The following ENTPD1 variants were observed in gnomAD, a reference collection of about 807,000 sequenced individuals.
ENTPD1 encodes ATP diphosphohydrolase.
Under a neutral mutation model 57.0 loss-of-function variants are expected in ENTPD1, and 33 were observed. The ratio of observed to expected loss-of-function variants is 0.58; its 90% CI spans 0.44 to 0.77. ENTPD1 has a LOEUF of 0.77. ENTPD1 is among the 30% of genes least tolerant of loss of function. The probability of loss-of-function intolerance (pLI) is 0.00; values close to 1 mark genes in which losing one functional copy is unlikely to be tolerated. For synonymous variants in ENTPD1, 202 were observed against 218.8 expected (o/e 0.92, Z 0.68); for missense variants, 501 against 603.4 (o/e 0.83, Z 1.78).
At chr10:95,823,140 G>T in intron 1 of ENTPD1, 97 bp from the exon 2 acceptor site, 1 of 1,451,324 alleles carries the variant, frequency 6.9e-7, no homozygotes. Context: ...TGTCTCTGAT[G>T]TCTCCAGGTA....
the ENTPD1 span, among the ~76,000 whole-genome samples, chr10:95,694,755 C>T: frequency 6.6e-6 from 1 of 152,014 alleles, no homozygotes; most frequent in African/African-American, 2.4e-5. Flanking sequence ...GTGCCTCTTC[C>T]GATTCCCCAC....
intron 9 of ENTPD1, 77 bp downstream of exon 9, chr10:95,864,938 A>T: frequency 6.5e-7 from 1 of 1,528,106 alleles, no homozygotes; most frequent in Non-Finnish European, 8.9e-7. Context: ...GGCTTGAAAA[A>T]GGGGGGAGTC....
At chr10:95,861,022 C>G (rs546289156) in intron 8 of ENTPD1, among the ~76,000 whole-genome samples, 10 of 152,350 alleles carry the variant, frequency 6.6e-5, no homozygotes, top group African/African-American at 2.2e-4. Flanking sequence ...CCAGACTCAG[C>G]AGTCTTCCCC....
At chr10:95,757,288 A>G (rs1235453921) in intron 1 of ENTPD1, among the ~76,000 whole-genome samples, 1 of 152,252 alleles carries the variant, frequency 6.6e-6, no homozygotes, top group Non-Finnish European at 1.5e-5. Context: ...TGTCACATGA[A>G]CCTTACAAGT....
rs568029935 is a variant in ENTPD1, at chr10:95,756,385, T to C, written c.16+130T>C. The C allele has an allele frequency of 4.9e-5, 51 of 1,048,728 alleles. 1 individual carries two copies. The South Asian group carries it at 7.6e-4, about 16-fold the overall frequency. The allele number at this position is 1,048,728 out of a possible 1,614,324, so 65.0% of individuals were successfully genotyped here. ...GCCCTGAATGAACTTTCCCACCCTC[T>C]TCCTTCTGAGAGGAGGCAGAGAAAG... On this transcript the variant is annotated intron_variant, in intron 1 of 9. Transcript: ENST00000371205.
chr10:95,792,657 G>A (rs1589848890), intron 1 of ENTPD1, among the ~76,000 whole-genome samples: 1 of 152,162 alleles, frequency 6.6e-6, no homozygotes, highest in East Asian at 1.9e-4. Context: ...TGGAAGACCA[G>A]ATAACAAACT....
chr10:95,759,030 C>T (rs1459279664), intron 1 of ENTPD1, among the ~76,000 whole-genome samples: 1 of 152,194 alleles, frequency 6.6e-6, no homozygotes, highest in Non-Finnish European at 1.5e-5. Context: ...GAAGGTGGTA[C>T]ACACCAGGCT....
chr10:95,868,475 C>A lies in ENTPD1; in HGVS notation c.*2092C>A. On this transcript the variant is annotated 3_prime_UTR_variant, in exon 10 of 10. Transcript: ENST00000371205. Reference sequence around the variant, plus strand: ...GCTTCCTAATTTTAATGTTTGCTCACAGCATAGTAGATTGACATCAAATAG... The same window carrying A: ...GCTTCCTAATTTTAATGTTTGCTCAAAGCATAGTAGATTGACATCAAATAG... 1 of 985,382 alleles carries A rather than the reference C, an allele frequency of 1.0e-6. No individual in the cohort carries two copies. Among genetic ancestry groups the A allele is most frequent in the Non-Finnish European group, 1.2e-6 (1 of 829,930 alleles). The allele number at this position is 985,382 out of a possible 1,614,324, so 61.0% of individuals were successfully genotyped here.
chr10:95,871,794 G>A lies in ENTPD1; in HGVS notation c.*5411G>A, dbSNP rs1033065641. The A allele has an allele frequency of 3.2e-5, 32 of 985,270 alleles. No homozygotes were observed. Among genetic ancestry groups the A allele is most frequent in the Non-Finnish European group, 3.6e-5 (30 of 829,926 alleles). The allele number at this position is 985,270 out of a possible 1,614,324, so 61.0% of individuals were successfully genotyped here. A position where few individuals can be genotyped will look rare whatever the true frequency, so the allele number is the denominator to read the frequency against. On this transcript the variant is annotated 3_prime_UTR_variant, in exon 10 of 10. Transcript: ENST00000371205. ...TTTATAACCCCTTTGCATGTATGTTGAATAGCAAAGTTCATCAGAGAACAT... is the reference window on the plus strand; with the variant it reads ...TTTATAACCCCTTTGCATGTATGTTAAATAGCAAAGTTCATCAGAGAACAT...
Position 95,869,148 on chromosome 10 carries a change from CT to C in ENTPD1, c.*2768del. On this transcript the variant is annotated 3_prime_UTR_variant, in exon 10 of 10. Transcript: ENST00000371205. ...AAACTTGGTTCTGCTAACCCTGTTC[CT>C]TTATGAGGAACCTTTTAAAGATTCC... is the stretch of plus-strand genomic sequence containing the variant. 1.0e-6 allele frequency: 1 copy of C among 984,262 alleles called. No individual in the cohort carries two copies. Among genetic ancestry groups the C allele is most frequent in the Non-Finnish European group, 1.2e-6 (1 of 829,788 alleles). 61.0% of individuals were successfully genotyped at this position (984,262 alleles called of 1,614,324 possible).
At chr10:95,795,567 G>A (rs750446348) in intron 1 of ENTPD1, among the ~76,000 whole-genome samples, 3 of 152,118 alleles carry the variant, frequency 2.0e-5, no homozygotes, top group Admixed American at 6.6e-5. Flanking sequence ...CATGGGGTCC[G>A]GTGAGATCAC....
intron 1 of ENTPD1, among the ~76,000 whole-genome samples, chr10:95,757,682 T>C (rs558870384): frequency 1.3e-5 from 2 of 152,218 alleles, no homozygotes; most frequent in African/African-American, 2.4e-5. Flanking sequence ...GTTAGTTTGG[T>C]GACACCAGTC....
Position 95,870,428 on chromosome 10 carries a change from G to A in ENTPD1, c.*4045G>A, listed in dbSNP as rs1334757638. 1 of 686,926 alleles carries A rather than the reference G, an allele frequency of 1.5e-6. No individual in the cohort carries two copies. The highest frequency in any genetic ancestry group is 1.8e-6 in the Non-Finnish European group (1 of 557,784). The allele number at this position is 686,926 out of a possible 1,614,324, so 42.6% of individuals were successfully genotyped here. On this transcript the variant is annotated 3_prime_UTR_variant, in exon 10 of 10. Transcript: ENST00000371205. Reference sequence around the variant, plus strand: ...CACCTAAGTAGCTAGGACTACAGGTGTGCACCACCATGTCTAGCTATTTTT... The same window carrying A: ...CACCTAAGTAGCTAGGACTACAGGTATGCACCACCATGTCTAGCTATTTTT...
At chr10:95,719,078 C>A (rs572493251) in intron 1 of ENTPD1, among the ~76,000 whole-genome samples, 2 of 152,306 alleles carry the variant, frequency 1.3e-5, no homozygotes, top group Admixed American at 1.3e-4. Context: ...ACGGTAAGAT[C>A]TCTTCCCTGT....
chr10:95,757,820 CATG>C (rs762708724), intron 1 of ENTPD1, among the ~76,000 whole-genome samples: 2 of 151,654 alleles, frequency 1.3e-5, no homozygotes, highest in Admixed American at 6.6e-5. Context: ...GCCTGGCCAA[CATG>C]ATGAAACCCT....
At chr10:95,721,624 G>A (rs1196065029) in intron 1 of ENTPD1, among the ~76,000 whole-genome samples, 1 of 151,964 alleles carries the variant, frequency 6.6e-6, no homozygotes, top group Non-Finnish European at 1.5e-5. Context: ...CACTCTGACT[G>A]GGCCGAATTC....
At chr10:95,865,412 G>A (rs1002074692) in intron 9 of ENTPD1, among the ~76,000 whole-genome samples, 2 of 152,212 alleles carry the variant, frequency 1.3e-5, no homozygotes, top group African/African-American at 4.8e-5. Flanking sequence ...CCACCTGCAG[G>A]TATCCAGGAA....
intron 1 of ENTPD1, among the ~76,000 whole-genome samples, chr10:95,730,197 C>A (rs143259590): frequency 4.3e-4 from 66 of 152,086 alleles, no homozygotes; most frequent in Non-Finnish European, 7.2e-4. Flanking sequence ...TGCCACCACA[C>A]CTCATTAATT....
intron 1 of ENTPD1, among the ~76,000 whole-genome samples, chr10:95,776,235 G>A (rs959445529): frequency 3.9e-5 from 6 of 152,120 alleles, no homozygotes; most frequent in East Asian, 1.9e-4. Flanking sequence ...TCCTAGCATC[G>A]ACAGTCTTTA....
Sources: allele counts gnomAD v4.1 joint callset (sites outside exome capture counted in the v4.1 genomes callset), GRCh38; gene constraint gnomAD v4.1.1; transcripts MANE v1.5; gene names NCBI Gene and HGNC (gene_info 2026-07-23, HGNC 2026-07-21).